Variants in CDH18 observed in about 807,000 individuals in gnomAD.
CDH18 encodes the protein cadherin-18.
Under a neutral mutation model 67.9 loss-of-function variants are expected in CDH18, and 31 were observed. That is an observed-to-expected ratio of 0.46 (90% CI 0.34 to 0.62). The LOEUF is 0.62. Among genes scored for constraint, CDH18 ranks in the 20% least tolerant of loss-of-function variants. The pLI, the probability that CDH18 is intolerant of heterozygous loss-of-function variation, is 0.01. For missense variants in CDH18, 890 were observed against 975.5 expected (o/e 0.91, Z 1.17); for synonymous variants, 362 against 347.2 (o/e 1.04, Z -0.48).
chr5:19,479,677 T>C (rs1393144579), intron 12 of CDH18, among the ~76,000 whole-genome samples: 2 of 152,114 alleles, frequency 1.3e-5, no homozygotes, highest in African/African-American at 4.8e-5. Context: ...GAAATTTATA[T>C]CTAGGATAAG....
In CDH18 at chr5:19,704,769, TC is replaced by T. The variant is rs1763729089; in HGVS notation, c.643+16577del. ...AAAAGGTCACATAGCTCCAACATTTTCCCCCTGGAATTCTCTAGTCTTTGTT... is the reference window on the plus strand; with the variant it reads ...AAAAGGTCACATAGCTCCAACATTTTCCCCTGGAATTCTCTAGTCTTTGTT... On this transcript the variant is annotated intron_variant, in intron 5 of 12. Coordinates refer to ENST00000382275, the MANE Select transcript of CDH18 (RefSeq NM_004934.5). Among the ~76,000 whole-genome samples, 4 of 152,082 alleles carry T rather than the reference TC, an allele frequency of 2.6e-5. No individual in the cohort carries two copies. The South Asian group carries it at 6.2e-4, about 24-fold the overall frequency.
intron 1 of CDH18, among the ~76,000 whole-genome samples, chr5:20,438,636 A>G (rs952092262): frequency 4.0e-5 from 6 of 151,424 alleles, no homozygotes; most frequent in African/African-American, 1.5e-4. Flanking sequence ...GGCTCAATAT[A>G]TGATCAATAT....
chr5:20,252,370 A>C (rs1202547644), intron 2 of CDH18, among the ~76,000 whole-genome samples: 1 of 151,898 alleles, frequency 6.6e-6, no homozygotes, highest in Non-Finnish European at 1.5e-5. Context: ...CAAAAAACAA[A>C]AAAAAAATCA....
At chr5:20,501,294 T>C (rs1754232862) in intron 1 of CDH18, among the ~76,000 whole-genome samples, 1 of 151,212 alleles carries the variant, frequency 6.6e-6, no homozygotes, top group African/African-American at 2.4e-5. Flanking sequence ...GCCACATAAA[T>C]GGAACGTTAT....
intron 2 of CDH18, among the ~76,000 whole-genome samples, chr5:19,909,590 C>A (rs1046473512): frequency 6.6e-6 from 1 of 151,888 alleles, no homozygotes; most frequent in African/African-American, 2.4e-5. Context: ...CCCAGCCAGC[C>A]ACTTCTGCTA....
At chr5:20,471,847 A>AAAAAAAAAAAAAAAAAAC in intron 1 of CDH18, among the ~76,000 whole-genome samples, 1 of 150,400 alleles carries the variant, frequency 6.6e-6, no homozygotes, top group African/African-American at 2.4e-5. Flanking sequence ...AAAAAAAAAA[A>AAAAAAAAAAAAAAAAAAC]AAAAGCAAAA....
chr5:20,328,216 A>G (rs1738794763), intron 1 of CDH18, among the ~76,000 whole-genome samples: 1 of 152,180 alleles, frequency 6.6e-6, no homozygotes, highest in African/African-American at 2.4e-5. Flanking sequence ...TGCCTAGCAC[A>G]AGATCAGGAA....
chr5:20,175,641 T>C (rs1737173846), intron 2 of CDH18, among the ~76,000 whole-genome samples: 1 of 152,124 alleles, frequency 6.6e-6, no homozygotes, highest in Non-Finnish European at 1.5e-5. Flanking sequence ...GGGACAGAAC[T>C]AATATGATAT....
At chr5:19,801,379 A>G (rs910270475) in intron 3 of CDH18, among the ~76,000 whole-genome samples, 12 of 152,220 alleles carry the variant, frequency 7.9e-5, no homozygotes, top group African/African-American at 2.9e-4. Context: ...GTGTCACTTT[A>G]TTCAAGGTAC....
intron 1 of CDH18, among the ~76,000 whole-genome samples, chr5:20,439,468 C>G (rs1324683657): frequency 6.6e-6 from 1 of 151,638 alleles, no homozygotes; most frequent in Non-Finnish European, 1.5e-5. Flanking sequence ...CACACATACA[C>G]ATGCACACAC....
At chr5:20,539,243 T>C (rs1015693917) in intron 1 of CDH18, among the ~76,000 whole-genome samples, 1 of 152,128 alleles carries the variant, frequency 6.6e-6, no homozygotes, top group Non-Finnish European at 1.5e-5. Flanking sequence ...AGAAAATTCA[T>C]GGGAAATAAA....
rs1331364001 is a variant in CDH18 at position 19,501,147 on chromosome 5, AT to A, written c.1630+1844del. 5.4e-5 allele frequency among the ~76,000 whole-genome samples: 8 copies of A among 148,880 alleles called. No homozygotes were observed. The South Asian group carries it at 1.7e-3, about 31-fold the overall frequency. On this transcript the variant is annotated intron_variant, in intron 11 of 12. Coordinates refer to ENST00000382275, the MANE Select transcript of CDH18 (RefSeq NM_004934.5). ...AAACTCTATCTCAATATATACAAAT[AT>A]ATATAATTACATTTACATATATATA...
chr5:20,272,236 AT>A, intron 1 of CDH18, among the ~76,000 whole-genome samples: 1 of 152,242 alleles, frequency 6.6e-6, no homozygotes, highest in East Asian at 1.9e-4. Context: ...AGACACATTA[AT>A]TTAAGGACTG....
At chr5:20,489,194 C>T (rs972004991) in intron 1 of CDH18, among the ~76,000 whole-genome samples, 10 of 151,992 alleles carry the variant, frequency 6.6e-5, no homozygotes, top group African/African-American at 2.4e-4. Flanking sequence ...AAGCTGTTCT[C>T]CTTGAGATTT....
At chr5:19,525,511 G>A (rs1747624429) in intron 9 of CDH18, among the ~76,000 whole-genome samples, 1 of 152,120 alleles carries the variant, frequency 6.6e-6, no homozygotes, top group African/African-American at 2.4e-5. Context: ...GCCCTGTCAG[G>A]GGCAACCACA....
chr5:19,649,999 G>A (rs1445976946), intron 5 of CDH18, among the ~76,000 whole-genome samples: 2 of 151,862 alleles, frequency 1.3e-5, no homozygotes, highest in East Asian at 3.9e-4. Context: ...AACTGGTACT[G>A]ACTTATGGCT....
intron 2 of CDH18, among the ~76,000 whole-genome samples, chr5:20,032,994 A>G (rs542259114): frequency 6.6e-6 from 1 of 151,974 alleles, no homozygotes; most frequent in Non-Finnish European, 1.5e-5. Context: ...GAAAGTACCA[A>G]TGTTGAGATA....
chr5:20,299,554 T>A (rs892688540), intron 1 of CDH18, among the ~76,000 whole-genome samples: 4 of 151,648 alleles, frequency 2.6e-5, no homozygotes, highest in African/African-American at 9.7e-5. Flanking sequence ...AGGTCAGAAG[T>A]TCGAGACCGG....
chr5:19,747,695 T>A (rs748424517), intron 3 of CDH18, among the ~76,000 whole-genome samples: 2 of 152,008 alleles, frequency 1.3e-5, no homozygotes, highest in Non-Finnish European at 2.9e-5. Flanking sequence ...AAATTAATTA[T>A]TAAAATTTTC....
Sources: gnomAD v4.1 joint callset for allele counts (sites outside exome capture counted in the v4.1 genomes callset) on GRCh38, gnomAD v4.1.1 for gene constraint, MANE v1.5 for transcripts, NCBI Gene and HGNC (gene_info 2026-07-23, HGNC 2026-07-21) for gene names.